BIK: variants seen among roughly 807,000 people sequenced by gnomAD.
BIK encodes bcl-2-interacting killer.
Under a neutral mutation model 12.1 loss-of-function variants are expected in BIK, and 14 were observed. That is an observed-to-expected ratio of 1.16 (90% CI 0.77 to 1.81). The LOEUF (loss-of-function observed/expected upper bound fraction) is 1.81, where lower values mean the gene tolerates loss of function less well. Ranked by LOEUF, BIK falls within the 40% of genes most tolerant of loss-of-function variation. The pLI is 0.00. For synonymous variants in BIK, 86 were observed against 92.3 expected (o/e 0.93, Z 0.39); for missense variants, 215 against 207.9 (o/e 1.03, Z -0.21).
Position 43,128,658 on chromosome 22 carries a change from C to T in BIK, c.390+33C>T, listed in dbSNP as rs374290495. ...CCTTGAGATCCCTGACCCTGACTTGCGCTGCGGCCAGTGGGGGCTGTCAGA... is the reference window on the plus strand; with the variant it reads ...CCTTGAGATCCCTGACCCTGACTTGTGCTGCGGCCAGTGGGGGCTGTCAGA... On this transcript the variant is annotated intron_variant, in intron 4 of 4. Coordinates refer to ENST00000216115, the MANE Select transcript of BIK (RefSeq NM_001197.5). 5.7e-5 allele frequency: 90 copies of T among 1,578,446 alleles called. 2 individuals carry two copies. Among genetic ancestry groups the T allele is most frequent in the South Asian group, 4.5e-4 (39 of 85,796 alleles).
chr22:43,124,257 A>G lies in BIK; in HGVS notation c.161+74A>G, dbSNP rs2076079. The G allele has an allele frequency of 0.65, 1,006,834 of 1,554,566 alleles. 331,761 individuals are homozygous for G. Among genetic ancestry groups the G allele is most frequent in the Non-Finnish European group, 0.68 (778,581 of 1,140,602 alleles). ...GGTGGGCTGGATGAGCAGACATTCT[A>G]TGAGCGGGGGAGCGCCTGCAGATGC... On this transcript the variant is annotated intron_variant, in intron 2 of 4. Transcript: ENST00000216115.
At chr22:43,120,399 G>A (rs888491996) in intron 1 of BIK, among the ~76,000 whole-genome samples, 3 of 152,182 alleles carry the variant, frequency 2.0e-5, no homozygotes, top group African/African-American at 7.2e-5. Flanking sequence ...TGTTAGCCAG[G>A]CTAGTCTCAA....
rs1407509324 is a variant in BIK at position 43,124,003 on chromosome 22, C to G, written c.-7-13C>G. 6.2e-7 allele frequency: 1 copy of G among 1,613,764 alleles called. No homozygotes were observed. ...TCTTAGGGGTCCAGTCATATGCTGTCTTTTTGCCCCAGAGGAGAAATGTCT... is the reference window on the plus strand; with the variant it reads ...TCTTAGGGGTCCAGTCATATGCTGTGTTTTTGCCCCAGAGGAGAAATGTCT... On this transcript the variant is annotated splice_polypyrimidine_tract_variant and intron_variant, in intron 1 of 4. Coordinates refer to ENST00000216115, the MANE Select transcript of BIK (RefSeq NM_001197.5).
In BIK at chr22:43,129,573, A is replaced by C; in HGVS notation, c.*268A>C. 2 of 546,182 alleles carry C rather than the reference A, an allele frequency of 3.7e-6. No homozygotes were observed. Among genetic ancestry groups the C allele is most frequent in the Non-Finnish European group, 6.2e-6 (2 of 320,864 alleles). 33.8% of individuals were successfully genotyped at this position (546,182 alleles called of 1,614,324 possible). The stretch of plus-strand genomic sequence containing the variant: ...GGCCTGTGCCCAGGAAGAGCCATTC[A>C]CTCCTGCCCCTGCCCACACGGCAGG... On this transcript the variant is annotated 3_prime_UTR_variant, in exon 5 of 5. Coordinates refer to ENST00000216115, the MANE Select transcript of BIK (RefSeq NM_001197.5).
Position 43,129,279 on chromosome 22 carries a change from G to T in BIK, c.457G>T (p.Gly153Trp). ...LLALLLPLLS[G>W]GLHLLLK ...GGCGCTGCTGCTGCCGCTGCTCAGCGGGGGCCTGCACCTGCTGCTCAAGTG... is the reference window on the plus strand; with the variant it reads ...GGCGCTGCTGCTGCCGCTGCTCAGCTGGGGCCTGCACCTGCTGCTCAAGTG... The change falls in exon 5 of 5, where the codon GGG becomes TGG. Residue 153 changes from glycine (G) to tryptophan (W), a missense_variant. Gly to Trp is a radical substitution (Grantham distance 184). Coordinates refer to ENST00000216115, the MANE Select transcript of BIK (RefSeq NM_001197.5). 1 of 1,600,544 alleles carries T rather than the reference G, an allele frequency of 6.2e-7. No homozygotes were observed. The highest frequency in any genetic ancestry group is 2.2e-5 in the East Asian group (1 of 44,826).
rs1019577938 is a variant in BIK, at chr22:43,127,729, G to A, written c.194G>A (p.Gly65Glu). The A allele has an allele frequency of 6.4e-7, 1 of 1,556,030 alleles. No individual in the cohort carries two copies. The highest frequency in any genetic ancestry group is 8.7e-7 in the Non-Finnish European group (1 of 1,150,630). The change falls in exon 3 of 5, where the codon GGG becomes GAG. Residue 65 changes from glycine (G) to glutamate (E), a missense_variant. By Grantham distance (98) the Gly-to-Glu change is moderately conservative. Transcript: ENST00000216115. The stretch of plus-strand genomic sequence containing the variant: ...TTGGCCCTGCGGCTGGCCTGCATCG[G>A]GGACGAGATGGACGTGAGCCTCAGG... ...DALALRLACI[G>E]DEMDVSLRAP...
At chr22:43,115,170 T>G (rs1209030998) in intron 1 of BIK, among the ~76,000 whole-genome samples, 1 of 152,192 alleles carries the variant, frequency 6.6e-6, no homozygotes, top group East Asian at 1.9e-4. Flanking sequence ...TTACCCAAGG[T>G]GCTGGGACAA....
At chr22:43,128,421 G>A (rs1245239613) in intron 3 of BIK, 75 bp from the exon 4 acceptor site, 1 of 1,543,518 alleles carries the variant, frequency 6.5e-7, no homozygotes, top group African/African-American at 1.4e-5. Context: ...AGCTGTGATG[G>A]TGTCATCTAA....
In BIK at chr22:43,123,995, TA is replaced by T. The variant is rs750638624; in HGVS notation, c.-7-20del. ...TGCTCAGTTCTTAGGGGTCCAGTCATATGCTGTCTTTTTGCCCCAGAGGAGA... is the reference window on the plus strand; with the variant it reads ...TGCTCAGTTCTTAGGGGTCCAGTCATTGCTGTCTTTTTGCCCCAGAGGAGA... On this transcript the variant is annotated intron_variant, in intron 1 of 4. Transcript: ENST00000216115. 5.6e-6 allele frequency: 9 copies of T among 1,613,358 alleles called. No individual in the cohort carries two copies. The East Asian group carries it at 2.0e-4, about 36-fold the overall frequency.
intron 1 of BIK, among the ~76,000 whole-genome samples, chr22:43,122,318 A>T (rs4988406): frequency 4.3e-4 from 66 of 152,182 alleles, no homozygotes; most frequent in African/African-American, 1.3e-3. Context: ...GAAAATAATG[A>T]GTTGAAGCAT....
chr22:43,113,625 T>C (rs955658925), intron 1 of BIK, among the ~76,000 whole-genome samples: 19 of 152,228 alleles, frequency 1.2e-4, no homozygotes, highest in African/African-American at 4.6e-4. Context: ...TACTTTTTTT[T>C]TCCCCCATTT....
Position 43,129,425 on chromosome 22 carries a change from C to A in BIK, c.*120C>A. ...ATGATGCCTTTTTATATTTAAACCC[C>A]GAGATAGTGCTGGAACACTGCTGAG... is the stretch of plus-strand genomic sequence containing the variant. On this transcript the variant is annotated 3_prime_UTR_variant, in exon 5 of 5. Transcript: ENST00000216115. 1 of 1,398,766 alleles carries A rather than the reference C, an allele frequency of 7.1e-7. No individual in the cohort carries two copies. The highest frequency in any genetic ancestry group is 1.5e-5 in the South Asian group (1 of 68,050). The allele number at this position is 1,398,766 out of a possible 1,614,324, so 86.6% of individuals were successfully genotyped here.
At chr22:43,128,746 A>C in intron 4 of BIK, 121 bp downstream of exon 4, 2 of 1,387,158 alleles carry the variant, frequency 1.4e-6, no homozygotes, top group Non-Finnish European at 9.8e-7. Context: ...ACCTGTGTCC[A>C]CATCTGCCTG....
intron 2 of BIK, among the ~76,000 whole-genome samples, chr22:43,125,427 C>T (rs567328415): frequency 5.3e-5 from 8 of 152,228 alleles, no homozygotes; most frequent in South Asian, 2.1e-4. Context: ...AGAACCGGGC[C>T]GGGCGCCGTG....
At chr22:43,117,167 G>A (rs1930131122) in intron 1 of BIK, among the ~76,000 whole-genome samples, 1 of 152,138 alleles carries the variant, frequency 6.6e-6, no homozygotes, top group Non-Finnish European at 1.5e-5. Context: ...AGTTTCCACT[G>A]TGACGGACGG....
Position 43,127,710 on chromosome 22 carries a change from C to G in BIK, c.175C>G (p.Leu59Val). Residue 59 changes from leucine (L) to valine (V), a missense_variant, in exon 3 of 5, where the codon CTG becomes GTG. Coordinates refer to ENST00000216115, the MANE Select transcript of BIK (RefSeq NM_001197.5). ...TGCTCCCTGCAGTGACGCATTGGCC[C>G]TGCGGCTGGCCTGCATCGGGGACGA... Reference protein sequence around the residue: ...ECMEGSDALALRLACIGDEMD... With the variant: ...ECMEGSDALAVRLACIGDEMD... The G allele has an allele frequency of 6.4e-7, 1 of 1,555,140 alleles. No homozygotes were observed. Among genetic ancestry groups the G allele is most frequent in the Non-Finnish European group, 8.7e-7 (1 of 1,149,824 alleles).
intron 1 of BIK, among the ~76,000 whole-genome samples, chr22:43,121,863 C>T (rs925309012): frequency 2.0e-5 from 3 of 152,204 alleles, no homozygotes; most frequent in African/African-American, 7.2e-5. Flanking sequence ...CAGGTTCAAG[C>T]TGGGATTACA....
chr22:43,114,215 C>A (rs577818686), intron 1 of BIK, among the ~76,000 whole-genome samples: 1 of 152,290 alleles, frequency 6.6e-6, no homozygotes, highest in Admixed American at 6.5e-5. Flanking sequence ...GTTAGCCAAA[C>A]TGAAAAGCCA....
chr22:43,119,451 T>TA (rs1930178431), intron 1 of BIK, among the ~76,000 whole-genome samples: 1 of 152,156 alleles, frequency 6.6e-6, no homozygotes, highest in African/African-American at 2.4e-5. Context: ...CAGAAACTGA[T>TA]AAGAGCAGCA....
Sources: gnomAD v4.1 joint callset for allele counts (sites outside exome capture counted in the v4.1 genomes callset) on GRCh38, gnomAD v4.1.1 for gene constraint, MANE v1.5 for transcripts, NCBI Gene and HGNC (gene_info 2026-07-23, HGNC 2026-07-21) for gene names.